SHROOM2: variants seen among roughly 807,000 people sequenced by gnomAD.
The protein encoded by SHROOM2 is protein Shroom2.
SHROOM2 carries 33 observed loss-of-function variants against 75.9 expected under a neutral mutation model. The ratio of observed to expected loss-of-function variants is 0.43; its 90% CI spans 0.33 to 0.58. SHROOM2 has a LOEUF of 0.58. Ranked by LOEUF, SHROOM2 falls within the 20% of genes least tolerant of loss-of-function variation. The pLI, the probability that SHROOM2 is intolerant of heterozygous loss-of-function variation, is 0.04. For synonymous variants in SHROOM2, 655 were observed against 663.6 expected (o/e 0.99, Z 0.20); for missense variants, 1,434 against 1,461.2 (o/e 0.98, Z 0.30).
rs768957747 is a variant in SHROOM2, at chrX:9,811,921, G to A, written c.165+25211G>A. ...CCATTTCCTCATGTAACTTACTTGT[G>A]CCTTCAGGACCTGCTTGAGCCCGAT... On this transcript the variant is annotated intron_variant, in intron 1 of 9. Transcript: ENST00000380913. Among the ~76,000 whole-genome samples, 9 of 111,320 alleles carry A rather than the reference G, an allele frequency of 8.1e-5. No individual in the cohort carries two copies. The East Asian group carries it at 2.3e-3, about 28-fold the overall frequency.
chrX:9,817,707 A>G (rs2086170152), intron 1 of SHROOM2, among the ~76,000 whole-genome samples: 2 of 112,364 alleles, frequency 1.8e-5, no homozygotes, highest in East Asian at 2.8e-4. Context: ...CCAGATGCCA[A>G]TTGGAGGGAC....
chrX:9,930,623 G>C (rs1370018741), intron 5 of SHROOM2, among the ~76,000 whole-genome samples: 1 of 112,093 alleles, frequency 8.9e-6, no homozygotes, highest in Non-Finnish European at 1.9e-5. Flanking sequence ...CATCTGACCT[G>C]TGAGAGCGCT....
chrX:9,899,287 C>G (rs1478311492), intron 5 of SHROOM2, among the ~76,000 whole-genome samples: 1 of 110,507 alleles, frequency 9.0e-6, no homozygotes, highest in Non-Finnish European at 1.9e-5. Context: ...GTATAATCTT[C>G]CCCTTCATCA....
At chrX:9,839,428 G>A (rs1341500291) in intron 1 of SHROOM2, among the ~76,000 whole-genome samples, 2 of 111,260 alleles carry the variant, frequency 1.8e-5, no homozygotes, top group Non-Finnish European at 1.9e-5. Flanking sequence ...AGGTCAGAGA[G>A]CTCCCGCCTC....
At chrX:9,866,177 G>C (rs900778492) in intron 1 of SHROOM2, among the ~76,000 whole-genome samples, 3 of 101,433 alleles carry the variant, frequency 3.0e-5, no homozygotes, top group Non-Finnish European at 5.9e-5. Flanking sequence ...GCACAAGTCT[G>C]TCTCACAGAG....
At chrX:9,847,365 G>A (rs1403916272) in intron 1 of SHROOM2, among the ~76,000 whole-genome samples, 1 of 112,592 alleles carries the variant, frequency 8.9e-6, no homozygotes, top group African/African-American at 3.2e-5. Context: ...ACCGTGCTGG[G>A]TTGGAATGCA....
At chrX:9,855,295 T>TAAAAAAAAAAAAAAAAAAAA (rs57235424) in intron 1 of SHROOM2, among the ~76,000 whole-genome samples, 1 of 39,300 alleles carries the variant, frequency 2.5e-5, no homozygotes, top group African/African-American at 9.3e-5. Context: ...TAAAGTATAG[T>TAAAAAAAAAAAAAAAAAAAA]AAAAAAAAAA....
At position 9,898,227 on chromosome X, in the gene SHROOM2, C is replaced by T. The variant is rs1221569067; in HGVS notation, c.2828C>T (p.Pro943Leu). The part of the protein sequence containing the change: ...SVELRRQAGD[P>L]GEPREELPSA... ...GAACTGCGAAGGCAGGCAGGGGACC[C>T]CGGCGAGCCCAGAGAAGAGCTTCCC... The change falls in exon 5 of 10, where the codon CCC (proline) becomes CTC (leucine). Residue 943 changes from proline (P) to leucine (L), a missense_variant. Around this residue, in one of 3 missense-constraint regions of SHROOM2, gnomAD observed 1,340 missense variants for 1,338.3 expected, o/e 1.00. Coordinates refer to ENST00000380913, the MANE Select transcript of SHROOM2 (RefSeq NM_001649.4). 2.5e-6 allele frequency: 3 copies of T among 1,186,676 alleles called. No individual in the cohort carries two copies. Among genetic ancestry groups the T allele is most frequent in the Admixed American group, 2.4e-5 (1 of 42,242 alleles).
In SHROOM2 at chrX:9,949,214, A is replaced by G; in HGVS notation, c.*2277A>G. 2 of 275,526 alleles carry G rather than the reference A, an allele frequency of 7.3e-6. No homozygotes were observed. The highest frequency in any genetic ancestry group is 1.4e-5 in the Non-Finnish European group (2 of 144,471). 22.7% of individuals were successfully genotyped at this position (275,526 alleles called of 1,213,427 possible). ...TATCTAGTTGTATTATTCATAGAAA[A>G]TCAATCTGGTGCTAATGGTTGGCCC... On this transcript the variant is annotated 3_prime_UTR_variant, in exon 10 of 10. Transcript: ENST00000380913.
At chrX:9,860,485 G>A (rs780064308) in intron 1 of SHROOM2, among the ~76,000 whole-genome samples, 26 of 111,126 alleles carry the variant, frequency 2.3e-4, no homozygotes, top group African/African-American at 7.2e-4. Flanking sequence ...GTGCAGTGGC[G>A]TGATTTTGGC....
chrX:9,909,642 C>A (rs2084410951), intron 5 of SHROOM2, among the ~76,000 whole-genome samples: 1 of 112,055 alleles, frequency 8.9e-6, no homozygotes, highest in African/African-American at 3.2e-5. Context: ...GTCTCTCTCC[C>A]AGAAGTCCCA....
At chrX:9,943,085 G>T (rs926452715) in intron 8 of SHROOM2, among the ~76,000 whole-genome samples, 3 of 109,577 alleles carry the variant, frequency 2.7e-5, no homozygotes, top group Admixed American at 9.8e-5. Context: ...AATTATCTGG[G>T]TGTGGTGGTG....
chrX:9,845,737 C>T (rs909078257), intron 1 of SHROOM2, among the ~76,000 whole-genome samples: 1 of 109,010 alleles, frequency 9.2e-6, no homozygotes, highest in African/African-American at 3.4e-5. Context: ...GCAGACAGTC[C>T]CTCTTCATGA....
intron 2 of SHROOM2, among the ~76,000 whole-genome samples, chrX:9,882,787 C>T (rs186710341): frequency 8.9e-6 from 1 of 112,110 alleles, no homozygotes; most frequent in East Asian, 2.8e-4. Context: ...GCTGCTGGGC[C>T]CTGGCGTTTG....
At chrX:9,933,504 C>T (rs1364808449) in intron 6 of SHROOM2, among the ~76,000 whole-genome samples, 3 of 112,106 alleles carry the variant, frequency 2.7e-5, no homozygotes, top group Admixed American at 1.9e-4. Flanking sequence ...AGCATGGTGG[C>T]TCACGCCTGT....
chrX:9,941,925 A>C (rs762511620), intron 8 of SHROOM2, among the ~76,000 whole-genome samples: 3 of 100,189 alleles, frequency 3.0e-5, no homozygotes, highest in Non-Finnish European at 6.0e-5. Flanking sequence ...GAGCTGAGAT[A>C]GCGCCACTGC....
chrX:9,896,373 C>G lies in SHROOM2; in HGVS notation c.2465C>G (p.Pro822Arg). The G allele has an allele frequency of 8.2e-7, 1 of 1,212,324 alleles. No homozygotes were observed. The highest frequency in any genetic ancestry group is 1.7e-5 in the African/African-American group (1 of 58,019). The stretch of plus-strand genomic sequence containing the variant: ...CAGAAGCAAGCTCTTCACGGAATCC[C>G]GAGAGACAAGCCAGAGAGGCCGCGG... ...PAQKQALHGIPRDKPERPRTA... is the reference protein window; with the variant it reads ...PAQKQALHGIRRDKPERPRTA... The change falls in exon 4 of 10, where the codon CCG becomes CGG. Residue 822 changes from proline (P) to arginine (R), a missense_variant. Coordinates refer to ENST00000380913, the MANE Select transcript of SHROOM2 (RefSeq NM_001649.4).
intron 5 of SHROOM2, among the ~76,000 whole-genome samples, chrX:9,914,829 G>T (rs767063975): frequency 1.8e-5 from 2 of 112,118 alleles, no homozygotes; most frequent in African/African-American, 6.5e-5. Context: ...TTTTCAGTCT[G>T]GTGGGCTCCT....
At chrX:9,905,935 G>A (rs1306219019) in intron 5 of SHROOM2, among the ~76,000 whole-genome samples, 1 of 111,745 alleles carries the variant, frequency 8.9e-6, no homozygotes, top group Non-Finnish European at 1.9e-5. Flanking sequence ...GCTGAGATGA[G>A]TCCTTCTGTG....
Sources: gnomAD v4.1 joint callset for allele counts (sites outside exome capture counted in the v4.1 genomes callset) on GRCh38, gnomAD v4.1.1 for gene constraint, gnomAD v4.1.1 regional missense constraint, MANE v1.5 for transcripts, NCBI Gene and HGNC (gene_info 2026-07-23, HGNC 2026-07-21) for gene names.